Variants in EIF4G1 observed in about 807,000 individuals in gnomAD.
EIF4G1 encodes eukaryotic translation initiation factor 4 gamma 1, also known as EIF4-gamma.
EIF4G1 carries 4 observed loss-of-function variants against 187.8 expected under a neutral mutation model. That is an observed-to-expected ratio of 0.02 (90% CI 0.01 to 0.05). The LOEUF is 0.05. Among genes scored for constraint, EIF4G1 ranks in the 10% least tolerant of loss-of-function variants. The pLI, the probability that EIF4G1 is intolerant of heterozygous loss-of-function variation, is 1.00. For synonymous variants in EIF4G1, 844 were observed against 781.4 expected (o/e 1.08, Z -1.34); for missense variants, 1,647 against 2,081.1 (o/e 0.79, Z 4.06).
In EIF4G1 at chr3:184,321,610, C is replaced by T. The variant is rs765234129; in HGVS notation, c.1026C>T (p.Ser342=). The stretch of plus-strand genomic sequence containing the variant: ...CGGTTCCAGAATCTGAGTTTTCTTC[C>T]AGTCCTCTCCAGGCTCCCACCCCTT... The part of the protein sequence containing the change: ...SKPVPESEFS[S]SPLQAPTPLA... Residue 342 remains serine (S), a synonymous_variant, in exon 10 of 33, where the codon TCC becomes TCT. Transcript: ENST00000346169. 12 of 1,613,630 alleles carry T rather than the reference C, an allele frequency of 7.4e-6. No individual in the cohort carries two copies. Among genetic ancestry groups the T allele is most frequent in the Middle Eastern group, 1.6e-4 (1 of 6,084 alleles).
Position 184,323,733 on chromosome 3 carries a change from G to A in EIF4G1, c.2275-47G>A, listed in dbSNP as rs1724332414. 1.1e-5 allele frequency: 17 copies of A among 1,612,148 alleles called. No homozygotes were observed. In the East Asian group the frequency reaches 2.0e-4, roughly 19 times the overall value. On this transcript the variant is annotated intron_variant, in intron 15 of 32. Transcript: ENST00000346169. The surrounding 1 kb of genome is among the most constrained non-coding windows in gnomAD (Gnocchi z 6.9). ...CCACCCTCTCCTGTCCCTCCCAACAGCCTGTTCTGAGACCCTCACTGGAAC... is the reference window on the plus strand; with the variant it reads ...CCACCCTCTCCTGTCCCTCCCAACAACCTGTTCTGAGACCCTCACTGGAAC...
rs1722950193 is a variant in EIF4G1 at position 184,317,196 on chromosome 3, G to T, written c.148-125G>T. ...GCCATTTGGTCAAGTGGTCTTGGAA[G>T]GATTGGTCGCCATGTTCTGAAGCCC... On this transcript the variant is annotated intron_variant, in intron 4 of 32. Coordinates refer to ENST00000346169, the MANE Select transcript of EIF4G1 (RefSeq NM_198241.3). The T allele has an allele frequency of 3.5e-6, 4 of 1,147,254 alleles. No individual in the cohort carries two copies. The Admixed American group carries it at 5.1e-5, about 15-fold the overall frequency. The allele number at this position is 1,147,254 out of a possible 1,614,324, so 71.1% of individuals were successfully genotyped here.
rs761251569 is a variant in EIF4G1, at chr3:184,325,138, G to C, written c.2856+24G>C. On this transcript the variant is annotated intron_variant, in intron 18 of 32. Coordinates refer to ENST00000346169, the MANE Select transcript of EIF4G1 (RefSeq NM_198241.3). The surrounding 1 kb of genome is among the most constrained non-coding windows in gnomAD (Gnocchi z 5.2). ...AGGTAGAGGTCCTTGCATCTGGAGG[G>C]GGATGGGCTGAAGCATATGTGGGGC... The C allele has an allele frequency of 3.1e-6, 5 of 1,612,212 alleles. No individual in the cohort carries two copies. The highest frequency in any genetic ancestry group is 4.2e-6 in the Non-Finnish European group (5 of 1,178,322).
rs751008945 is a variant in EIF4G1 at position 184,331,961 on chromosome 3, G to A, written c.4493G>A (p.Arg1498Gln). 11 of 1,614,052 alleles carry A rather than the reference G, an allele frequency of 6.8e-6. No homozygotes were observed. Among genetic ancestry groups the A allele is most frequent in the East Asian group, 6.7e-5 (3 of 44,892 alleles). ...YSAIIFETPL[R>Q]VDVAVLKARA... ...CTTCTTGTAGTTGAGACTCCCCTCC[G>A]AGTGGACGTTGCAGTGCTGAAAGCG... is the stretch of plus-strand genomic sequence containing the variant. Residue 1498 changes from arginine (R) to glutamine (Q), a missense_variant, in exon 32 of 33, where the codon CGA (arginine) becomes CAA (glutamine). Around this residue, in one of 11 missense-constraint regions of EIF4G1, gnomAD observed 543 missense variants for 638.0 expected, o/e 0.85. Coordinates refer to ENST00000346169, the MANE Select transcript of EIF4G1 (RefSeq NM_198241.3).
intron 6 of EIF4G1, among the ~76,000 whole-genome samples, chr3:184,318,699 G>A (rs1438137525): frequency 6.6e-6 from 1 of 152,148 alleles, no homozygotes; most frequent in Non-Finnish European, 1.5e-5. Context: ...CCGCCTCTTG[G>A]GTTCAAGTGA....
At chr3:184,326,707 C>G (rs1003187363) in intron 22 of EIF4G1, 78 bp downstream of exon 22, 1 of 1,549,976 alleles carries the variant, frequency 6.5e-7, no homozygotes, top group South Asian at 1.1e-5. Context: ...GTTAGGGAGG[C>G]CTTCAGTACA....
chr3:184,328,888 T>G, intron 27 of EIF4G1, 21 bp from the exon 28 acceptor site: 2 of 1,614,106 alleles, frequency 1.2e-6, no homozygotes, highest in African/African-American at 2.7e-5. Flanking sequence ...CTGTCAGCAT[T>G]AGGTTTTTCT....
intron 23 of EIF4G1, 108 bp from the exon 24 acceptor site, chr3:184,327,108 A>G (rs1725079477): frequency 1.3e-6 from 2 of 1,564,630 alleles, no homozygotes; most frequent in East Asian, 2.3e-5. Flanking sequence ...AGATTGGGGC[A>G]TACTCATTAT....
In EIF4G1 at chr3:184,326,902, C is replaced by G. The variant is rs1328616238; in HGVS notation, c.3347C>G (p.Ala1116Gly). ...CCAGCATCAGAAGCTGCTCGCCCAG[C>G]TACTAGTACTTTGAATCGCTTCTCA... ...SDAASEAARP[A>G]TSTLNRFSAL... Residue 1116 changes from alanine to glycine, a missense_variant, in exon 23 of 33, where the codon GCT becomes GGT. Ala to Gly is a moderately conservative substitution (Grantham distance 60). Transcript: ENST00000346169. 12 of 1,614,114 alleles carry G rather than the reference C, an allele frequency of 7.4e-6. No individual in the cohort carries two copies. The highest frequency in any genetic ancestry group is 1.0e-5 in the Non-Finnish European group (12 of 1,180,054).
At chr3:184,332,135 T>C (rs763248807) in intron 32 of EIF4G1, 49 bp downstream of exon 32, 14 of 1,613,472 alleles carry the variant, frequency 8.7e-6, no homozygotes, top group Non-Finnish European at 1.1e-5. Context: ...GACTGCCAGA[T>C]AGCAGGGCAT....
rs770835278 is a variant in EIF4G1, at chr3:184,322,814, C to T, written c.1796-7C>T. On this transcript the variant is annotated splice_polypyrimidine_tract_variant and splice_region_variant and intron_variant, in intron 12 of 32. Coordinates refer to ENST00000346169, the MANE Select transcript of EIF4G1 (RefSeq NM_198241.3). ...AGTATGATTGCTTCATTCTGTTTTC[C>T]TTGCAGATCAGTGGAAGCCTCTAAA... is the stretch of plus-strand genomic sequence containing the variant. 1.9e-6 allele frequency: 3 copies of T among 1,614,170 alleles called. No homozygotes were observed. The highest frequency in any genetic ancestry group is 2.2e-5 in the South Asian group (2 of 91,084).
At position 184,335,316 on chromosome 3, in the gene EIF4G1, G is replaced by T. The variant is rs908404046; in HGVS notation, c.*408G>T. The stretch of plus-strand genomic sequence containing the variant: ...GTTGCCTGGGCAGGGGGAAGGGGGG[G>T]CACGGTGCCTGTAATTATTAAACAT... On this transcript the variant is annotated 3_prime_UTR_variant, in exon 33 of 33. Transcript: ENST00000346169. 8.5e-6 allele frequency: 2 copies of T among 235,374 alleles called. No individual in the cohort carries two copies. Among genetic ancestry groups the T allele is most frequent in the Admixed American group, 5.1e-5 (1 of 19,492 alleles). 14.6% of individuals were successfully genotyped at this position (235,374 alleles called of 1,614,324 possible).
chr3:184,316,879 T>C, intron 4 of EIF4G1: 3 of 851,188 alleles, frequency 3.5e-6, no homozygotes, highest in Non-Finnish European at 5.8e-6. Context: ...GAGTGATGCA[T>C]GTTAGGGGCT....
chr3:184,321,010 G>T lies in EIF4G1; in HGVS notation c.697+17G>T, dbSNP rs1723805992. 1 of 1,612,790 alleles carries T rather than the reference G, an allele frequency of 6.2e-7. No individual in the cohort carries two copies. The highest frequency in any genetic ancestry group is 1.1e-5 in the South Asian group (1 of 90,898). ...TCCGGCCAGGTAAGTAAGCCGGTGG[G>T]ACGGAGCTTTTATGGGGAAAGGGAA... is the stretch of plus-strand genomic sequence containing the variant. On this transcript the variant is annotated intron_variant, in intron 9 of 32. Transcript: ENST00000346169.
chr3:184,329,033 G>T (rs1725512215), intron 28 of EIF4G1, 43 bp downstream of exon 28: 1 of 1,610,168 alleles, frequency 6.2e-7, no homozygotes, highest in South Asian at 1.1e-5. Flanking sequence ...CCACGGTGTG[G>T]TTTTGGCTGT....
chr3:184,323,802 C>G lies in EIF4G1; in HGVS notation c.2297C>G (p.Ser766Cys), dbSNP rs1724358693. Residue 766 changes from serine to cysteine, a missense_variant, in exon 16 of 33, where the codon TCC becomes TGC. Physicochemically the swap from Ser to Cys is moderately radical, Grantham distance 112. Around this residue, in one of 11 missense-constraint regions of EIF4G1, gnomAD observed 140 missense variants for 222.2 expected, o/e 0.63. Transcript: ENST00000346169. This position sits in a 1 kb window ranked among gnomAD's most constrained non-coding sequence, Gnocchi z 6.9. The part of the protein sequence containing the change: ...KTQDLFRRVR[S>C]ILNKLTPQMF... ...CAGGACCTATTCCGCAGGGTGCGCTCCATCCTGAATAAACTGACACCCCAG... is the reference window on the plus strand; with the variant it reads ...CAGGACCTATTCCGCAGGGTGCGCTGCATCCTGAATAAACTGACACCCCAG... 1 of 1,613,964 alleles carries G rather than the reference C, an allele frequency of 6.2e-7. No individual in the cohort carries two copies. Among genetic ancestry groups the G allele is most frequent in the Non-Finnish European group, 8.5e-7 (1 of 1,180,048 alleles).
intron 6 of EIF4G1, among the ~76,000 whole-genome samples, chr3:184,319,031 G>A (rs1164802339): frequency 6.6e-6 from 1 of 150,706 alleles, no homozygotes; most frequent in Non-Finnish European, 1.5e-5. Flanking sequence ...CCAAGATTGT[G>A]CCACTGTATT....
chr3:184,317,699 CT>C lies in EIF4G1; in HGVS notation c.325-17del. ...AGCTCCCTCAACTCCTTCTCTCCCTCTCCCCCTTCCCCACCAGGGGCGTTCC... is the reference window on the plus strand; with the variant it reads ...AGCTCCCTCAACTCCTTCTCTCCCTCCCCCCTTCCCCACCAGGGGCGTTCC... On this transcript the variant is annotated splice_polypyrimidine_tract_variant and intron_variant, in intron 5 of 32. Coordinates refer to ENST00000346169, the MANE Select transcript of EIF4G1 (RefSeq NM_198241.3). The C allele has an allele frequency of 6.2e-7, 1 of 1,607,714 alleles. No individual in the cohort carries two copies. Among genetic ancestry groups the C allele is most frequent in the Non-Finnish European group, 8.5e-7 (1 of 1,174,240 alleles).
chr3:184,320,719 C>T lies in EIF4G1; in HGVS notation c.627C>T (p.Pro209=). Residue 209 remains proline (P), a synonymous_variant, in exon 8 of 33, where the codon CCC becomes CCT. Coordinates refer to ENST00000346169, the MANE Select transcript of EIF4G1 (RefSeq NM_198241.3). The stretch of plus-strand genomic sequence containing the variant: ...GCACTGCCTCCACACCCACCCCTCC[C>T]CAGGTACTGTCTGCTTTTCGAGTGA... ...GARTASTPTP[P]QTGGGLEPQA... 6.2e-7 allele frequency: 1 copy of T among 1,614,188 alleles called. No homozygotes were observed. Among genetic ancestry groups the T allele is most frequent in the Non-Finnish European group, 8.5e-7 (1 of 1,180,028 alleles).
Sources: allele counts gnomAD v4.1 joint callset (sites outside exome capture counted in the v4.1 genomes callset), GRCh38; gene constraint gnomAD v4.1.1; regional missense constraint gnomAD v4.1.1; non-coding constraint Gnocchi (gnomAD v3.1); transcripts MANE v1.5; gene names NCBI Gene and HGNC (gene_info 2026-07-23, HGNC 2026-07-21).